The following HDHD2 variants were observed in gnomAD, a reference collection of about 807,000 sequenced individuals.
The protein encoded by HDHD2 is haloacid dehalogenase-like hydrolase domain-containing protein 2.
HDHD2 carries 26 observed loss-of-function variants against 24.8 expected under a neutral mutation model. The ratio of observed to expected loss-of-function variants is 1.05; its 90% confidence interval spans 0.77 to 1.45. The LOEUF is 1.45. Ranked by LOEUF, HDHD2 falls within the 40% of genes most tolerant of loss-of-function variation. The probability of loss-of-function intolerance (pLI) is 0.00; values close to 1 mark genes in which losing one functional copy is unlikely to be tolerated. For synonymous variants in HDHD2, 128 were observed against 114.9 expected (o/e 1.11, Z -0.73); for missense variants, 299 against 313.4 (o/e 0.95, Z 0.35).
chr18:47,117,163 A>G (rs1057424514), intron 4 of HDHD2, among the ~76,000 whole-genome samples: 2 of 152,202 alleles, frequency 1.3e-5, no homozygotes, highest in Non-Finnish European at 1.5e-5. Context: ...AGATTAAAAG[A>G]TCTTTTATAG....
intron 1 of HDHD2, among the ~76,000 whole-genome samples, chr18:47,144,658 G>C (rs1362167451): frequency 6.6e-6 from 1 of 151,864 alleles, no homozygotes; most frequent in Non-Finnish European, 1.5e-5. Context: ...AAATAGCCAA[G>C]CGTGGTAGCA....
chr18:47,110,687 A>G, intron 6 of HDHD2: 10 of 985,382 alleles, frequency 1.0e-5, no homozygotes, highest in Non-Finnish European at 1.2e-5. Context: ...AGCTGCCTGC[A>G]TTGCTCATGG....
chr18:47,146,634 A>G (rs1405462896), intron 1 of HDHD2, among the ~76,000 whole-genome samples: 1 of 152,260 alleles, frequency 6.6e-6, no homozygotes, highest in African/African-American at 2.4e-5. Context: ...GTTGTGGTAT[A>G]TTTACACACA....
chr18:47,136,346 G>C lies in HDHD2; in HGVS notation c.94C>G (p.Leu32Val). 1.9e-6 allele frequency: 3 copies of C among 1,613,670 alleles called. No individual in the cohort carries two copies. Among genetic ancestry groups the C allele is most frequent in the East Asian group, 2.2e-5 (1 of 44,870 alleles). Residue 32 changes from leucine (L) to valine (V), a missense_variant, in exon 2 of 7, where the codon CTT becomes GTT. By Grantham distance (32) the Leu-to-Val change is conservative. Coordinates refer to ENST00000300605, the MANE Select transcript of HDHD2 (RefSeq NM_032124.5). ...DAAVPGAQEA[L>V]KRLRGASVII... ...ACCTGGAGGATAGCTTGCCTTTTAA[G>C]AGCTTCCTGTGCGCCTGGCACAGCT...
chr18:47,142,873 T>C (rs748548719), intron 1 of HDHD2, among the ~76,000 whole-genome samples: 3 of 152,186 alleles, frequency 2.0e-5, no homozygotes, highest in African/African-American at 4.8e-5. Context: ...ATGAAGAAAT[T>C]ACTAACAAAG....
intron 4 of HDHD2, among the ~76,000 whole-genome samples, chr18:47,126,165 T>C (rs930064147): frequency 6.6e-6 from 1 of 152,340 alleles, no homozygotes; most frequent in South Asian, 2.1e-4. Flanking sequence ...GAACACTGCA[T>C]AGCAGTCAAC....
At chr18:47,127,403 T>C (rs2063669342) in intron 4 of HDHD2, among the ~76,000 whole-genome samples, 1 of 152,226 alleles carries the variant, frequency 6.6e-6, no homozygotes, top group Non-Finnish European at 1.5e-5. Context: ...TGTGCTAAAA[T>C]GTTAACTGTC....
chr18:47,116,056 A>G (rs923892515), intron 4 of HDHD2, among the ~76,000 whole-genome samples: 3 of 152,158 alleles, frequency 2.0e-5, no homozygotes, highest in African/African-American at 7.2e-5. Flanking sequence ...CATTATTTTG[A>G]CAAGCAAATT....
At chr18:47,137,037 A>C in intron 1 of HDHD2, 1 of 706,338 alleles carries the variant, frequency 1.4e-6, no homozygotes, top group Non-Finnish European at 2.7e-6. Context: ...AAAAAGCCCA[A>C]GGAAGAAGTC....
At chr18:47,111,124 C>G (rs2063512450) in intron 6 of HDHD2, 1 of 985,210 alleles carries the variant, frequency 1.0e-6, no homozygotes, top group South Asian at 4.7e-5. Flanking sequence ...ATCAATGGTA[C>G]AAATATGCCT....
intron 1 of HDHD2, among the ~76,000 whole-genome samples, chr18:47,146,229 CAA>C (rs61430354): frequency 1.9e-4 from 11 of 58,926 alleles, no homozygotes; most frequent in Middle Eastern, 8.2e-3. Context: ...GAATGTGTCT[CAA>C]AAAAAAAAAA....
chr18:47,130,134 C>T, intron 4 of HDHD2, 110 bp downstream of exon 4: 1 of 624,410 alleles, frequency 1.6e-6, no homozygotes, highest in Non-Finnish European at 2.8e-6. Context: ...TCCTAATGTA[C>T]AATTTAGGTG....
In HDHD2 at chr18:47,130,304, G is replaced by T; in HGVS notation, c.335C>A (p.Ala112Asp). ...TTCTGGTGCCAATCCCATGACCACA[G>T]CATTAGGATCACTTGTTTGTATTCC... Reference protein sequence around the residue: ...FKGIQTSDPNAVVMGLAPEHF... With the variant: ...FKGIQTSDPNDVVMGLAPEHF... Residue 112 changes from alanine (A) to aspartate (D), a missense_variant, in exon 4 of 7, where the codon GCT becomes GAT. Ala to Asp is a moderately radical substitution (Grantham distance 126). Coordinates refer to ENST00000300605, the MANE Select transcript of HDHD2 (RefSeq NM_032124.5). 1 of 1,602,302 alleles carries T rather than the reference G, an allele frequency of 6.2e-7. No individual in the cohort carries two copies. The highest frequency in any genetic ancestry group is 8.5e-7 in the Non-Finnish European group (1 of 1,173,504).
intron 1 of HDHD2, among the ~76,000 whole-genome samples, chr18:47,143,639 T>C (rs1402787881): frequency 6.6e-6 from 1 of 152,192 alleles, no homozygotes. Flanking sequence ...GGAATTACCA[T>C]CAATGTTAGC....
At chr18:47,118,505 C>T (rs138298736) in intron 4 of HDHD2, among the ~76,000 whole-genome samples, 6 of 152,286 alleles carry the variant, frequency 3.9e-5, no homozygotes, top group South Asian at 2.1e-4. Context: ...ACTACATGTT[C>T]TCACTTATAA....
intron 1 of HDHD2, among the ~76,000 whole-genome samples, chr18:47,146,972 T>C (rs986061102): frequency 7.2e-5 from 11 of 152,220 alleles, no homozygotes; most frequent in Non-Finnish European, 1.2e-4. Context: ...CTTTTAATTA[T>C]ACTATAATCA....
At chr18:47,117,729 G>C (rs1034088477) in intron 4 of HDHD2, among the ~76,000 whole-genome samples, 2 of 152,082 alleles carry the variant, frequency 1.3e-5, no homozygotes, top group Admixed American at 1.3e-4. Context: ...TGTAATCCCA[G>C]CACTTTGGGA....
In HDHD2 at chr18:47,143,802, T is replaced by G. The variant is rs1265523062; in HGVS notation, c.-11+6576A>C. ...ATATCCATCTTTAAAGCATACAAATTGTAACCAATAAAAATATCCCAAAGA... is the reference window on the plus strand; with the variant it reads ...ATATCCATCTTTAAAGCATACAAATGGTAACCAATAAAAATATCCCAAAGA... On this transcript the variant is annotated intron_variant, in intron 1 of 6. Coordinates refer to ENST00000300605, the MANE Select transcript of HDHD2 (RefSeq NM_032124.5). Among the ~76,000 whole-genome samples the G allele has an allele frequency of 2.0e-5, 3 of 152,136 alleles. No homozygotes were observed. The East Asian group carries it at 5.8e-4, about 29-fold the overall frequency.
intron 2 of HDHD2, among the ~76,000 whole-genome samples, chr18:47,135,442 G>A (rs1236618167): frequency 2.6e-5 from 4 of 151,916 alleles, no homozygotes; most frequent in Admixed American, 2.0e-4. Context: ...TGTATTTTTA[G>A]TAGAGACGGT....
Sources: gnomAD v4.1 joint callset for allele counts (sites outside exome capture counted in the v4.1 genomes callset) on GRCh38, gnomAD v4.1.1 for gene constraint, MANE v1.5 for transcripts, NCBI Gene and HGNC (gene_info 2026-07-23, HGNC 2026-07-21) for gene names.